Variants in AUH observed in about 807,000 individuals in gnomAD.
AUH encodes AU RNA binding methylglutaconyl-CoA hydratase, also known as methylglutaconyl-CoA hydratase, mitochondrial.
A neutral mutation model predicts 42.3 loss-of-function variants in AUH; 29 were observed. The observed-to-expected ratio is 0.69, with a 90% CI of 0.51 to 0.93. The LOEUF is 0.93. Ranked by LOEUF, AUH falls within the 40% of genes least tolerant of loss-of-function variation. The pLI is 0.00. For missense variants in AUH, 452 were observed against 438.1 expected (o/e 1.03, Z -0.28); for synonymous variants, 174 against 166.4 (o/e 1.05, Z -0.35).
intron 6 of AUH, among the ~76,000 whole-genome samples, chr9:91,275,683 A>G (rs1825484780): frequency 6.6e-6 from 1 of 152,256 alleles, no homozygotes; most frequent in South Asian, 2.1e-4. Flanking sequence ...CAGAAATCCC[A>G]TAACTTATCA....
chr9:91,230,527 A>C (rs1827806270), intron 6 of AUH, among the ~76,000 whole-genome samples: 1 of 152,114 alleles, frequency 6.6e-6, no homozygotes, highest in African/African-American at 2.4e-5. Context: ...GAGTAATCTG[A>C]TCGTCTGAAG....
intron 6 of AUH, among the ~76,000 whole-genome samples, chr9:91,284,722 C>A (rs1212086379): frequency 6.6e-6 from 1 of 152,216 alleles, no homozygotes; most frequent in Non-Finnish European, 1.5e-5. Context: ...TGCTGTATCA[C>A]TGGCTATCAG....
intron 6 of AUH, among the ~76,000 whole-genome samples, chr9:91,270,745 G>A (rs564573070): frequency 1.3e-5 from 2 of 152,076 alleles, no homozygotes; most frequent in Non-Finnish European, 2.9e-5. Flanking sequence ...AAACAAGGTA[G>A]CAATGCACCC....
intron 6 of AUH, among the ~76,000 whole-genome samples, chr9:91,252,788 A>C (rs1413892050): frequency 6.6e-6 from 1 of 152,236 alleles, no homozygotes; most frequent in Non-Finnish European, 1.5e-5. Context: ...AAAGAAACAA[A>C]GCCAGTAGCA....
At position 91,335,221 on chromosome 9, in the gene AUH, A is replaced by C. The variant is rs149867357; in HGVS notation, c.419-9817T>G. 3.8e-3 allele frequency among the ~76,000 whole-genome samples: 574 copies of C among 152,342 alleles called. 2 individuals carry two copies. Among genetic ancestry groups the C allele is most frequent in the African/African-American group, 0.013 (535 of 41,570 alleles). ...GTGGCCCGGTGCTTTCTGTGTGGAA[A>C]GATCTTTAACTGATGCTTCAATTTC... On this transcript the variant is annotated intron_variant, in intron 3 of 9. Coordinates refer to ENST00000375731, the MANE Select transcript of AUH (RefSeq NM_001698.3).
intron 3 of AUH, among the ~76,000 whole-genome samples, chr9:91,329,499 GA>G (rs1481873770): frequency 3.9e-5 from 6 of 152,104 alleles, no homozygotes; most frequent in Non-Finnish European, 8.8e-5. Context: ...AATGACTAAT[GA>G]GGTTAAACAC....
chr9:91,289,282 TAATATTAAGAAGAAAAATTAAGCATC>T (rs1223827107), intron 6 of AUH, among the ~76,000 whole-genome samples: 2 of 152,246 alleles, frequency 1.3e-5, no homozygotes, highest in Non-Finnish European at 2.9e-5. Flanking sequence ...ACTTTCTACA[TAATATTAAGAAGAAAAATTAAGCATC>T]TATTTTTTCC....
intron 6 of AUH, among the ~76,000 whole-genome samples, chr9:91,273,020 T>C (rs926389802): frequency 6.6e-6 from 1 of 152,188 alleles, no homozygotes; most frequent in African/African-American, 2.4e-5. Context: ...CAGCTAGCAA[T>C]GGATACCAAC....
intron 6 of AUH, among the ~76,000 whole-genome samples, chr9:91,261,990 G>A (rs1266069077): frequency 6.6e-6 from 1 of 152,088 alleles, no homozygotes; most frequent in Non-Finnish European, 1.5e-5. Flanking sequence ...AACCAAAAAT[G>A]ACTAGAAAGT....
intron 3 of AUH, among the ~76,000 whole-genome samples, chr9:91,330,925 T>G (rs1000305531): frequency 3.3e-5 from 5 of 152,218 alleles, no homozygotes; most frequent in African/African-American, 1.2e-4. Context: ...AAGGGACATG[T>G]GGGACGACTG....
intron 6 of AUH, among the ~76,000 whole-genome samples, chr9:91,283,645 A>C (rs1335293157): frequency 6.6e-6 from 1 of 152,230 alleles, no homozygotes; most frequent in Non-Finnish European, 1.5e-5. Context: ...TGCAAAAATC[A>C]CAAGCATTCC....
chr9:91,251,734 C>T lies in AUH; in HGVS notation c.656-30742G>A, dbSNP rs563121188. The stretch of plus-strand genomic sequence containing the variant: ...GCCCTCATCTATTCTAGCAACTCTT[C>T]GGATAAATTCTTATACTGATCAAGC... On this transcript the variant is annotated intron_variant, in intron 6 of 9. Coordinates refer to ENST00000375731, the MANE Select transcript of AUH (RefSeq NM_001698.3). Among the ~76,000 whole-genome samples the T allele has an allele frequency of 1.9e-3, 282 of 152,278 alleles. 3 individuals carry two copies. Among genetic ancestry groups the T allele is most frequent in the South Asian group, 0.011 (52 of 4,824 alleles).
At chr9:91,281,033 C>T (rs1162671333) in intron 6 of AUH, among the ~76,000 whole-genome samples, 1 of 152,066 alleles carries the variant, frequency 6.6e-6, no homozygotes. Context: ...GTTTACTCAG[C>T]TTCTTAAATC....
At chr9:91,299,058 A>C (rs1355253652) in intron 4 of AUH, among the ~76,000 whole-genome samples, 1 of 152,148 alleles carries the variant, frequency 6.6e-6, no homozygotes, top group African/African-American at 2.4e-5. Context: ...ATCTCTACAA[A>C]AATACAAAAA....
chr9:91,289,641 C>CA (rs1826694790), intron 6 of AUH, among the ~76,000 whole-genome samples: 1 of 152,194 alleles, frequency 6.6e-6, no homozygotes, highest in African/African-American at 2.4e-5. Flanking sequence ...GAGGATATCT[C>CA]AGAGATCACT....
At chr9:91,258,226 ATTTTTCT>A (rs1166241135) in intron 6 of AUH, among the ~76,000 whole-genome samples, 2 of 151,798 alleles carry the variant, frequency 1.3e-5, no homozygotes, top group Non-Finnish European at 2.9e-5. Context: ...TCCATTCTGT[ATTTTTCT>A]TTTTTCTTTT....
At chr9:91,323,173 A>C (rs1181296734) in intron 4 of AUH, among the ~76,000 whole-genome samples, 1 of 152,222 alleles carries the variant, frequency 6.6e-6, no homozygotes, top group Non-Finnish European at 1.5e-5. Context: ...AAAAAATATG[A>C]ATATGTAAGG....
intron 6 of AUH, among the ~76,000 whole-genome samples, chr9:91,252,442 T>C (rs1829184565): frequency 6.6e-6 from 1 of 152,158 alleles, no homozygotes; most frequent in Admixed American, 6.5e-5. Context: ...TTATCAACTT[T>C]TAATTTTCAC....
At chr9:91,308,058 A>C (rs1368956373) in intron 4 of AUH, among the ~76,000 whole-genome samples, 4 of 152,220 alleles carry the variant, frequency 2.6e-5, no homozygotes, top group African/African-American at 9.6e-5. Context: ...GAATAAACCC[A>C]CACACAGAAC....
Sources: allele counts gnomAD v4.1 joint callset (sites outside exome capture counted in the v4.1 genomes callset), GRCh38; gene constraint gnomAD v4.1.1; transcripts MANE v1.5; gene names NCBI Gene and HGNC (gene_info 2026-07-23, HGNC 2026-07-21).